The following PTPN5 variants were observed in gnomAD, a reference collection of about 807,000 sequenced individuals.
The protein encoded by PTPN5 is tyrosine-protein phosphatase non-receptor type 5.
Under a neutral mutation model 73.9 loss-of-function variants are expected in PTPN5, and 29 were observed. The observed-to-expected ratio is 0.39, with a 90% confidence interval of 0.29 to 0.54. PTPN5 has a LOEUF of 0.54. PTPN5 is among the 20% of genes least tolerant of loss of function. The pLI is 0.65. For synonymous variants in PTPN5, 267 were observed against 304.7 expected (o/e 0.88, Z 1.29); for missense variants, 652 against 751.4 (o/e 0.87, Z 1.55).
At chr11:18,732,849 T>C (rs746786996) in intron 11 of PTPN5, 147 bp from the exon 12 acceptor site, 2 of 671,992 alleles carry the variant, frequency 3.0e-6, no homozygotes, top group African/African-American at 1.8e-5. Context: ...GCAAACTCTA[T>C]AAGCTACTTC....
At chr11:18,772,841 T>A (rs1158653280) in intron 1 of PTPN5, among the ~76,000 whole-genome samples, 1 of 152,036 alleles carries the variant, frequency 6.6e-6, no homozygotes, top group Non-Finnish European at 1.5e-5. Flanking sequence ...GAAAAGGCAA[T>A]GGTGACACAG....
rs58611404 is a variant in PTPN5, at chr11:18,781,323, C to CTTTTTTTTTTTTTTTTTTTTTTTTTTTTT, written c.-113-9253_-113-9252insAAAAAAAAAAAAAAAAAAAAAAAAAAAAA. On this transcript the variant is annotated intron_variant, in intron 1 of 14. Coordinates refer to ENST00000358540, the MANE Select transcript of PTPN5 (RefSeq NM_006906.2). ...AGATCAGACTGTCTTTTTTTGACCACTTTTTTTTTTTTTTGAGATGGAGTC... is the reference window on the plus strand; with the variant it reads ...AGATCAGACTGTCTTTTTTTGACCACTTTTTTTTTTTTTTTTTTTTTTTTTTTTTTTTTTTTTTTTTTTGAGATGGAGTC... 2.6e-5 allele frequency among the ~76,000 whole-genome samples: 3 copies of CTTTTTTTTTTTTTTTTTTTTTTTTTTTTT among 114,428 alleles called. 1 individual carries two copies. The highest frequency in any genetic ancestry group is 2.2e-4 in the Admixed American group (2 of 9,002). 75.1% of individuals were successfully genotyped at this position (114,428 alleles called of 152,430 possible). A position where few individuals can be genotyped will look rare whatever the true frequency, so the allele number is the denominator to read the frequency against.
At chr11:18,767,935 C>T (rs1231332256) in intron 2 of PTPN5, among the ~76,000 whole-genome samples, 3 of 152,226 alleles carry the variant, frequency 2.0e-5, no homozygotes, top group Non-Finnish European at 4.4e-5. Flanking sequence ...ACATGCTTTT[C>T]TCTCACATGG....
chr11:18,786,507 T>G (rs1204429550), intron 1 of PTPN5, among the ~76,000 whole-genome samples: 1 of 152,224 alleles, frequency 6.6e-6, no homozygotes, highest in Non-Finnish European at 1.5e-5. Context: ...CGGCCTAGAA[T>G]AGGGGGAATC....
chr11:18,746,190 TATACA>T (rs992576550), intron 3 of PTPN5, among the ~76,000 whole-genome samples: 4 of 116,958 alleles, frequency 3.4e-5, no homozygotes, highest in African/African-American at 8.5e-5. Context: ...TATATATATA[TATACA>T]TTTTTTTTTT....
At chr11:18,761,628 A>G (rs1850395776) in intron 3 of PTPN5, among the ~76,000 whole-genome samples, 1 of 152,182 alleles carries the variant, frequency 6.6e-6, no homozygotes, top group Non-Finnish European at 1.5e-5. Context: ...CTGCCCCCAC[A>G]GTACCGGGGA....
chr11:18,733,234 C>A lies in PTPN5; in HGVS notation c.1218+1G>T. On this transcript the variant is annotated splice_donor_variant, in intron 11 of 14. Transcript: ENST00000358540. LOFTEE classifies it high-confidence loss of function. The surrounding 1 kb of genome is among the most constrained non-coding windows in gnomAD (Gnocchi z 4.3). ...CTTAGAATGGGGACGGGGGTCCCTA[C>A]CTCGTTCATCTCCTCGATGTTGGTG... 1 of 1,610,134 alleles carries A rather than the reference C, an allele frequency of 6.2e-7. No homozygotes were observed. Among genetic ancestry groups the A allele is most frequent in the South Asian group, 1.1e-5 (1 of 91,008 alleles).
chr11:18,752,660 G>A (rs575257915), intron 3 of PTPN5, among the ~76,000 whole-genome samples: 1 of 152,384 alleles, frequency 6.6e-6, no homozygotes, highest in Admixed American at 6.5e-5. Context: ...CTTTGTTGCT[G>A]CAAACAAAGG....
chr11:18,759,326 TTAC>T (rs1281075573), intron 3 of PTPN5, among the ~76,000 whole-genome samples: 1 of 152,242 alleles, frequency 6.6e-6, no homozygotes. Context: ...TGTCATCATA[TTAC>T]TACCCTTATT....
chr11:18,746,917 A>C (rs1849669121), intron 3 of PTPN5, among the ~76,000 whole-genome samples: 1 of 152,212 alleles, frequency 6.6e-6, no homozygotes, highest in South Asian at 2.1e-4. Flanking sequence ...AGGTGATGCC[A>C]AATATGGAAC....
chr11:18,777,366 T>A (rs1009726519), intron 1 of PTPN5, among the ~76,000 whole-genome samples: 15 of 152,184 alleles, frequency 9.9e-5, no homozygotes, highest in African/African-American at 3.6e-4. Flanking sequence ...ATTAAATGAA[T>A]GTTGATCTTC....
chr11:18,754,361 C>T (rs934968295), intron 3 of PTPN5, among the ~76,000 whole-genome samples: 6 of 152,194 alleles, frequency 3.9e-5, no homozygotes, highest in Non-Finnish European at 8.8e-5. Flanking sequence ...GACTGAGCTG[C>T]AGCACAGCCG....
chr11:18,783,524 C>G (rs1354834783), intron 1 of PTPN5, among the ~76,000 whole-genome samples: 2 of 152,246 alleles, frequency 1.3e-5, no homozygotes, highest in African/African-American at 2.4e-5. Flanking sequence ...GGTTTAAATT[C>G]TGGCTCTGAC....
At chr11:18,785,962 C>T (rs1485924580) in intron 1 of PTPN5, among the ~76,000 whole-genome samples, 1 of 152,224 alleles carries the variant, frequency 6.6e-6, no homozygotes, top group Non-Finnish European at 1.5e-5. Context: ...AGGGGATCCC[C>T]TCCCCATCCA....
intron 8 of PTPN5, among the ~76,000 whole-genome samples, chr11:18,739,244 C>T (rs528418220): frequency 6.6e-6 from 1 of 152,254 alleles, no homozygotes; most frequent in South Asian, 2.1e-4. Context: ...GCTCAGGCCA[C>T]GCTCCTTCCT....
chr11:18,738,144 A>T (rs544608565), intron 8 of PTPN5, among the ~76,000 whole-genome samples, 180 bp from the exon 9 acceptor site: 5 of 152,346 alleles, frequency 3.3e-5, no homozygotes, highest in African/African-American at 1.2e-4. Flanking sequence ...TGCCTGGCAC[A>T]TGCTGAGTGT....
At chr11:18,775,378 A>C (rs1172727989) in intron 1 of PTPN5, among the ~76,000 whole-genome samples, 1 of 152,218 alleles carries the variant, frequency 6.6e-6, no homozygotes, top group Non-Finnish European at 1.5e-5. Flanking sequence ...CGAGAAAACT[A>C]AGGCTCAGGG....
At chr11:18,776,823 T>C (rs1391994577) in intron 1 of PTPN5, among the ~76,000 whole-genome samples, 1 of 151,986 alleles carries the variant, frequency 6.6e-6, no homozygotes, top group Non-Finnish European at 1.5e-5. Context: ...TTAAAAAAAA[T>C]GAAAAGTGGG....
chr11:18,746,589 AT>A (rs1849652617), intron 3 of PTPN5, among the ~76,000 whole-genome samples: 1 of 151,588 alleles, frequency 6.6e-6, no homozygotes, highest in Non-Finnish European at 1.5e-5. Flanking sequence ...ATGCTAACAC[AT>A]AATTAATTCT....
Sources: allele counts gnomAD v4.1 joint callset (sites outside exome capture counted in the v4.1 genomes callset), GRCh38; gene constraint gnomAD v4.1.1; non-coding constraint Gnocchi (gnomAD v3.1); transcripts MANE v1.5; gene names NCBI Gene and HGNC (gene_info 2026-07-23, HGNC 2026-07-21).